Variants in HAND2 observed in about 807,000 individuals in gnomAD.
HAND2 encodes the protein heart and neural crest derivatives expressed 2, also known as heart- and neural crest derivatives-expressed protein 2.
HAND2 carries 2 observed loss-of-function variants against 14.7 expected under a neutral mutation model. The observed-to-expected ratio is 0.14, with a 90% CI of 0.06 to 0.43. The LOEUF (loss-of-function observed/expected upper bound fraction) is 0.43. Ranked by LOEUF, HAND2 falls within the 20% of genes least tolerant of loss-of-function variation. The pLI, the probability that HAND2 is intolerant of heterozygous loss-of-function variation, is 0.99. For missense variants in HAND2, 275 were observed against 313.6 expected (o/e 0.88, Z 0.93); for synonymous variants, 162 against 135.9 (o/e 1.19, Z -1.34).
chr4:173,527,354 C>G lies in HAND2; in HGVS notation c.577G>C (p.Val193Leu). The G allele has an allele frequency of 3.1e-6, 5 of 1,613,608 alleles. No individual in the cohort carries two copies. Among genetic ancestry groups the G allele is most frequent in the Non-Finnish European group, 4.2e-6 (5 of 1,179,616 alleles). The change falls in exon 2 of 2, where the codon GTG becomes CTG. Residue 193 changes from valine to leucine, a missense_variant. By Grantham distance (32) the Val-to-Leu change is conservative (BLOSUM62 1). Around this residue, in one of 4 missense-constraint regions of HAND2, gnomAD observed 54 missense variants for 54.3 expected, o/e 0.99. Coordinates refer to ENST00000359562, the MANE Select transcript of HAND2 (RefSeq NM_021973.3). ...TTGGTTTTCTTGTCGTTGCTGCTCA[C>G]TGTGCTTTTCAAGATTTCGTTCTGG... is the stretch of plus-strand genomic sequence containing the variant. ...KELNEILKSTVSSNDKKTKGR... is the reference protein window; with the variant it reads ...KELNEILKSTLSSNDKKTKGR...
rs1731456751 is a variant in HAND2, at chr4:173,526,579, T to C, written c.*698A>G. 1 of 164,380 alleles carries C rather than the reference T, an allele frequency of 6.1e-6. No homozygotes were observed. Among genetic ancestry groups the C allele is most frequent in the Non-Finnish European group, 1.3e-5 (1 of 74,864 alleles). The allele number at this position is 164,380 out of a possible 1,614,324, so 10.2% of individuals were successfully genotyped here. A position where few individuals can be genotyped will look rare whatever the true frequency, so the allele number is the denominator to read the frequency against. On this transcript the variant is annotated 3_prime_UTR_variant, in exon 2 of 2. Coordinates refer to ENST00000359562, the MANE Select transcript of HAND2 (RefSeq NM_021973.3). ...AACAGCTTTGTTTTCAAAACTCTTT[T>C]GAGGTATCAGCCATTAAAAGATTAA...
In HAND2 at chr4:173,529,029, G is replaced by C. The variant is rs751828346; in HGVS notation, c.261C>G (p.Ala87=). ...GCGGCCCCCCCAGGCCCGGGGGCCC[G>C]GCGCCCGGCGGCACCCCCCCGTAAT... The part of the protein sequence containing the change: ...HSHYGGVPPG[A]GPPGLGGPRP... Residue 87 remains alanine, a synonymous_variant, in exon 1 of 2, where the codon GCC becomes GCG. Coordinates refer to ENST00000359562, the MANE Select transcript of HAND2 (RefSeq NM_021973.3). 6.7e-7 allele frequency: 1 copy of C among 1,502,288 alleles called. No individual in the cohort carries two copies. The highest frequency in any genetic ancestry group is 1.3e-5 in the South Asian group (1 of 74,578). The allele number at this position is 1,502,288 out of a possible 1,614,324, so 93.1% of individuals were successfully genotyped here.
rs750688415 is a variant in HAND2 at position 173,528,832 on chromosome 4, T to C, written c.458A>G (p.Asp153Gly). ...ATTCTGGTCGTCCTTGGCCAGCAGG[T>C]CCATGAGGTAGGCGATGTAGCTGGT... ...LATSYIAYLMDLLAKDDQNGE... is the reference protein window; with the variant it reads ...LATSYIAYLMGLLAKDDQNGE... Residue 153 changes from aspartate (D) to glycine (G), a missense_variant, in exon 1 of 2, where the codon GAC (aspartate) becomes GGC (glycine). Physicochemically the swap from Asp to Gly is moderately conservative, Grantham distance 94. Around this residue, in one of 4 missense-constraint regions of HAND2, gnomAD observed 34 missense variants for 77.9 expected, o/e 0.44. Coordinates refer to ENST00000359562, the MANE Select transcript of HAND2 (RefSeq NM_021973.3). The surrounding 1 kb of genome is among the most constrained non-coding windows in gnomAD (Gnocchi z 5.6). The C allele has an allele frequency of 1.9e-6, 3 of 1,614,056 alleles. No homozygotes were observed. In the Admixed American group the frequency reaches 5.0e-5, roughly 27 times the overall value.
Position 173,529,870 on chromosome 4 carries a change from C to T in HAND2, c.-581G>A, listed in dbSNP as rs1273896577. The T allele has an allele frequency of 1.3e-5, 2 of 152,294 alleles. No homozygotes were observed. Among genetic ancestry groups the T allele is most frequent in the African/African-American group, 2.4e-5 (1 of 41,434 alleles). 9.4% of individuals were successfully genotyped at this position (152,294 alleles called of 1,614,324 possible). On this transcript the variant is annotated 5_prime_UTR_variant, in exon 1 of 2. Transcript: ENST00000359562. ...GACCCTCCCCTTCCCGCCTCTTCCC[C>T]TCCCCCCACCAGCCCGATCTGGGTT...
At position 173,527,265 on chromosome 4, in the gene HAND2, T is replaced by TCC. The variant is rs748610542; in HGVS notation, c.*11_*12insGG. ...CTCACTCGCGCTCTCCTCCTCCTCC[T>TCC]TCTCCTCCTCCTCACTGCTTGAGCT... On this transcript the variant is annotated 3_prime_UTR_variant, in exon 2 of 2. Transcript: ENST00000359562. 3.1e-6 allele frequency: 5 copies of TCC among 1,587,384 alleles called. No homozygotes were observed. The highest frequency in any genetic ancestry group is 4.3e-6 in the Non-Finnish European group (5 of 1,158,822).
rs369169952 is a variant in HAND2, at chr4:173,528,815, C to A, written c.475G>T (p.Asp159Tyr). ...AYLMDLLAKD[D>Y]QNGEAEAFKA... ...AAGGCCTCCGCCTCGCCATTCTGGT[C>A]GTCCTTGGCCAGCAGGTCCATGAGG... The change falls in exon 1 of 2, where the codon GAC becomes TAC. Residue 159 changes from aspartate to tyrosine, a missense_variant. Asp to Tyr is a radical substitution (Grantham distance 160). Transcript: ENST00000359562. The surrounding 1 kb of genome is among the most constrained non-coding windows in gnomAD (Gnocchi z 5.6). The A allele has an allele frequency of 5.6e-6, 9 of 1,614,084 alleles. No homozygotes were observed. In the African/African-American group the frequency reaches 6.7e-5, roughly 12 times the overall value.
rs1447807996 is a variant in HAND2, at chr4:173,526,719, TG to T, written c.*557del. 1 of 291,028 alleles carries T rather than the reference TG, an allele frequency of 3.4e-6. No individual in the cohort carries two copies. Among genetic ancestry groups the T allele is most frequent in the Non-Finnish European group, 6.7e-6 (1 of 148,496 alleles). The allele number at this position is 291,028 out of a possible 1,614,324, so 18.0% of individuals were successfully genotyped here. A position where few individuals can be genotyped will look rare whatever the true frequency, so the allele number is the denominator to read the frequency against. On this transcript the variant is annotated 3_prime_UTR_variant, in exon 2 of 2. Coordinates refer to ENST00000359562, the MANE Select transcript of HAND2 (RefSeq NM_021973.3). ...GACGGAAGTGCACAAAACAAGTGGC[TG>T]TTGGAAACATCTTCAAAGAGGGAAC...
In HAND2 at chr4:173,528,816, G is replaced by C; in HGVS notation, c.474C>G (p.Asp158Glu). The change falls in exon 1 of 2, where the codon GAC (aspartate) becomes GAG (glutamate). Residue 158 changes from aspartate (D) to glutamate (E), a missense_variant. Physicochemically the swap from Asp to Glu is conservative, Grantham distance 45. Around this residue, in one of 4 missense-constraint regions of HAND2, gnomAD observed 54 missense variants for 54.3 expected, o/e 0.99. Transcript: ENST00000359562. This position sits in a 1 kb window ranked among gnomAD's most constrained non-coding sequence, Gnocchi z 5.6. Reference protein sequence around the residue: ...IAYLMDLLAKDDQNGEAEAFK... With the variant: ...IAYLMDLLAKEDQNGEAEAFK... ...AGGCCTCCGCCTCGCCATTCTGGTC[G>C]TCCTTGGCCAGCAGGTCCATGAGGT... The C allele has an allele frequency of 6.2e-7, 1 of 1,614,196 alleles. No individual in the cohort carries two copies. Among genetic ancestry groups the C allele is most frequent in the Non-Finnish European group, 8.5e-7 (1 of 1,180,034 alleles).
In HAND2 at chr4:173,527,050, G is replaced by A. The variant is rs1343964923; in HGVS notation, c.*227C>T. 4.4e-6 allele frequency: 3 copies of A among 688,246 alleles called. No homozygotes were observed. In the Admixed American group the frequency reaches 6.1e-5, roughly 14 times the overall value. The allele number at this position is 688,246 out of a possible 1,614,324, so 42.6% of individuals were successfully genotyped here. The stretch of plus-strand genomic sequence containing the variant: ...TCCTCTTCGTATTAAAATATGGAAT[G>A]CTTTTCTTCAAATATCCACTTTTTT... On this transcript the variant is annotated 3_prime_UTR_variant, in exon 2 of 2. Transcript: ENST00000359562.
At position 173,527,288 on chromosome 4, in the gene HAND2, G is replaced by C; in HGVS notation, c.643C>G (p.Leu215Val). The C allele has an allele frequency of 6.2e-7, 1 of 1,611,268 alleles. No individual in the cohort carries two copies. Among genetic ancestry groups the C allele is most frequent in the Non-Finnish European group, 8.5e-7 (1 of 1,178,530 alleles). The part of the protein sequence containing the change: ...GWPQHVWALE[L>V]KQ ...CCTTCTCCTCCTCCTCACTGCTTGAGCTCCAGGGCCCAGACGTGCTGCGGC... is the reference window on the plus strand; with the variant it reads ...CCTTCTCCTCCTCCTCACTGCTTGACCTCCAGGGCCCAGACGTGCTGCGGC... Residue 215 changes from leucine (L) to valine (V), a missense_variant, in exon 2 of 2, where the codon CTC becomes GTC. Leu to Val is a conservative substitution (Grantham distance 32). Around this residue, in one of 4 missense-constraint regions of HAND2, gnomAD observed 12 missense variants for 24.2 expected, o/e 0.49. Coordinates refer to ENST00000359562, the MANE Select transcript of HAND2 (RefSeq NM_021973.3).
At position 173,528,893 on chromosome 4, in the gene HAND2, T is replaced by C; in HGVS notation, c.397A>G (p.Thr133Ala). 6.2e-7 allele frequency: 1 copy of C among 1,614,110 alleles called. No individual in the cohort carries two copies. The change falls in exon 1 of 2, where the codon ACC (threonine) becomes GCC (alanine). Residue 133 changes from threonine (T) to alanine (A), a missense_variant. This residue lies in a region of HAND2 where 34 missense variants were observed against 77.9 expected (regional missense o/e 0.44). Coordinates refer to ENST00000359562, the MANE Select transcript of HAND2 (RefSeq NM_021973.3). This position sits in a 1 kb window ranked among gnomAD's most constrained non-coding sequence, Gnocchi z 5.6. ...AGGGTCTTGATTTTGGAGAGTTTGG[T>C]GTCGGCGGGTACGTTGGGGATGCAC... ...RECIPNVPAD[T>A]KLSKIKTLRL...
Position 173,526,676 on chromosome 4 carries a change from T to G in HAND2, c.*601A>C, listed in dbSNP as rs1731460898. ...GTTTACACCTTCAATATTAATTAAA[T>G]TCCATTTAGTTTTAGAGGACGGAAG... On this transcript the variant is annotated 3_prime_UTR_variant, in exon 2 of 2. Coordinates refer to ENST00000359562, the MANE Select transcript of HAND2 (RefSeq NM_021973.3). The G allele has an allele frequency of 4.3e-6, 1 of 232,696 alleles. No homozygotes were observed. The highest frequency in any genetic ancestry group is 2.3e-5 in the African/African-American group (1 of 44,362). 14.4% of individuals were successfully genotyped at this position (232,696 alleles called of 1,614,324 possible). A position where few individuals can be genotyped will look rare whatever the true frequency, so the allele number is the denominator to read the frequency against.
Position 173,527,251 on chromosome 4 carries a change from T to C in HAND2, c.*26A>G, listed in dbSNP as rs1553974383. On this transcript the variant is annotated 3_prime_UTR_variant, in exon 2 of 2. Transcript: ENST00000359562. ...CGCCTTGGCCCCTGCTCACTCGCGC[T>C]CTCCTCCTCCTCCTTCTCCTCCTCC... The C allele has an allele frequency of 6.5e-7, 1 of 1,538,798 alleles. No homozygotes were observed. The highest frequency in any genetic ancestry group is 9.0e-7 in the Non-Finnish European group (1 of 1,116,404).
chr4:173,527,169 A>G lies in HAND2; in HGVS notation c.*108T>C. The G allele has an allele frequency of 1.3e-6, 1 of 773,450 alleles. No homozygotes were observed. The allele number at this position is 773,450 out of a possible 1,614,324, so 47.9% of individuals were successfully genotyped here. A position where few individuals can be genotyped will look rare whatever the true frequency, so the allele number is the denominator to read the frequency against. On this transcript the variant is annotated 3_prime_UTR_variant, in exon 2 of 2. Coordinates refer to ENST00000359562, the MANE Select transcript of HAND2 (RefSeq NM_021973.3). ...AATAAACCGGATGATTCCAAATGCAAGGAGTCCTCAGAGCGGAGCGCGGAC... is the reference window on the plus strand; with the variant it reads ...AATAAACCGGATGATTCCAAATGCAGGGAGTCCTCAGAGCGGAGCGCGGAC...
Position 173,528,801 on chromosome 4 carries a change from C to T in HAND2, c.489G>A (p.Glu163=). The change falls in exon 1 of 2, where the codon GAG becomes GAA. Residue 163 remains glutamate, a synonymous_variant. Coordinates refer to ENST00000359562, the MANE Select transcript of HAND2 (RefSeq NM_021973.3). This position sits in a 1 kb window ranked among gnomAD's most constrained non-coding sequence, Gnocchi z 5.6. ...DLLAKDDQNG[E]AEAFKAEIKK... ...TGATCTCTGCCTTGAAGGCCTCCGC[C>T]TCGCCATTCTGGTCGTCCTTGGCCA... The T allele has an allele frequency of 6.2e-7, 1 of 1,614,226 alleles. No homozygotes were observed. The highest frequency in any genetic ancestry group is 8.5e-7 in the Non-Finnish European group (1 of 1,180,040).
Position 173,528,675 on chromosome 4 carries a change from C to T in HAND2, c.555+60G>A. On this transcript the variant is annotated intron_variant, in intron 1 of 1. Coordinates refer to ENST00000359562, the MANE Select transcript of HAND2 (RefSeq NM_021973.3). This position sits in a 1 kb window ranked among gnomAD's most constrained non-coding sequence, Gnocchi z 5.6. ...ATTTCTCAGCCCAATTGGAAAGAGGCCGGGAGCACCAGTTCCCTGACCCCC... is the reference window on the plus strand; with the variant it reads ...ATTTCTCAGCCCAATTGGAAAGAGGTCGGGAGCACCAGTTCCCTGACCCCC... 1 of 1,560,428 alleles carries T rather than the reference C, an allele frequency of 6.4e-7. No individual in the cohort carries two copies. Among genetic ancestry groups the T allele is most frequent in the Non-Finnish European group, 8.7e-7 (1 of 1,153,282 alleles).
chr4:173,529,009 C>T lies in HAND2; in HGVS notation c.281G>A (p.Gly94Glu), dbSNP rs140589459. Reference protein sequence around the residue: ...PPGAGPPGLGGPRPVKRRGTA... With the variant: ...PPGAGPPGLGEPRPVKRRGTA... ...GCCTCGGCGCTTCACCGGGCGCGGCCCCCCCAGGCCCGGGGGCCCGGCGCC... is the reference window on the plus strand; with the variant it reads ...GCCTCGGCGCTTCACCGGGCGCGGCTCCCCCAGGCCCGGGGGCCCGGCGCC... Residue 94 changes from glycine to glutamate, a missense_variant, in exon 1 of 2, where the codon GGG (glycine) becomes GAG (glutamate). Physicochemically the swap from Gly to Glu is moderately conservative, Grantham distance 98. Around this residue, in one of 4 missense-constraint regions of HAND2, gnomAD observed 175 missense variants for 157.1 expected, o/e 1.11. Transcript: ENST00000359562. 5.6e-5 allele frequency: 89 copies of T among 1,592,086 alleles called. No homozygotes were observed. The highest frequency in any genetic ancestry group is 2.1e-5 in the Non-Finnish European group (25 of 1,172,312).
chr4:173,527,036 T>G lies in HAND2; in HGVS notation c.*241A>C. ...ACCACACGGGAGTGTCCTCTTCGTATTAAAATATGGAATGCTTTTCTTCAA... is the reference window on the plus strand; with the variant it reads ...ACCACACGGGAGTGTCCTCTTCGTAGTAAAATATGGAATGCTTTTCTTCAA... On this transcript the variant is annotated 3_prime_UTR_variant, in exon 2 of 2. Transcript: ENST00000359562. 1 of 670,568 alleles carries G rather than the reference T, an allele frequency of 1.5e-6. No homozygotes were observed. The highest frequency in any genetic ancestry group is 2.7e-6 in the Non-Finnish European group (1 of 364,938). 41.5% of individuals were successfully genotyped at this position (670,568 alleles called of 1,614,324 possible). A position where few individuals can be genotyped will look rare whatever the true frequency, so the allele number is the denominator to read the frequency against.
Position 173,528,496 on chromosome 4 carries a change from C to T in HAND2, c.555+239G>A, listed in dbSNP as rs1731578722. ...TAAGTACTAGGGGAGCAGCGATAAC[C>T]CGGAGGTAAGATCACCAGCGCAAAG... On this transcript the variant is annotated intron_variant, in intron 1 of 1. Coordinates refer to ENST00000359562, the MANE Select transcript of HAND2 (RefSeq NM_021973.3). This position sits in a 1 kb window ranked among gnomAD's most constrained non-coding sequence, Gnocchi z 5.6. 3.5e-6 allele frequency: 2 copies of T among 567,864 alleles called. No homozygotes were observed. Among genetic ancestry groups the T allele is most frequent in the Non-Finnish European group, 6.3e-6 (2 of 316,434 alleles). The allele number at this position is 567,864 out of a possible 1,614,324, so 35.2% of individuals were successfully genotyped here.
Sources: gnomAD v4.1 joint callset for allele counts on GRCh38, gnomAD v4.1.1 for gene constraint, gnomAD v4.1.1 regional missense constraint, Gnocchi (gnomAD v3.1) non-coding constraint, MANE v1.5 for transcripts, NCBI Gene and HGNC (gene_info 2026-07-23, HGNC 2026-07-21) for gene names.